Variants in ADGRL3 observed in about 807,000 individuals in gnomAD.
The protein encoded by ADGRL3 is adhesion G protein-coupled receptor L3, also known as calcium-independent alpha-latrotoxin receptor 3.
A neutral mutation model predicts 153.5 loss-of-function variants in ADGRL3; 62 were observed. The ratio of observed to expected loss-of-function variants is 0.40; its 90% confidence interval spans 0.33 to 0.50. The LOEUF (loss-of-function observed/expected upper bound fraction) is 0.50, where lower values mean the gene tolerates loss of function less well. Ranked by LOEUF, ADGRL3 falls within the 20% of genes least tolerant of loss-of-function variation. The pLI is 0.47. For synonymous variants in ADGRL3, 710 were observed against 672.5 expected, an observed-to-expected ratio of 1.06 and a Z score of -0.86; for missense variants, 1,641 against 1,859.4, an observed-to-expected ratio of 0.88 and a Z score of 2.16.
chr4:61,231,116 A>G (rs1298224105), intron 1 of ADGRL3, among the ~76,000 whole-genome samples: 2 of 152,234 alleles, frequency 1.3e-5, no homozygotes, highest in Non-Finnish European at 2.9e-5. Context: ...GGAGTGGATC[A>G]ACAATGAAGA....
chr4:62,015,977 C>T (rs574114435), intron 21 of ADGRL3, among the ~76,000 whole-genome samples: 1 of 151,996 alleles, frequency 6.6e-6, no homozygotes, highest in African/African-American at 2.4e-5. Flanking sequence ...AACTGAAATC[C>T]TTTTAAACTA....
chr4:61,500,819 C>G (rs966801769), intron 3 of ADGRL3, among the ~76,000 whole-genome samples: 4 of 152,156 alleles, frequency 2.6e-5, no homozygotes, highest in African/African-American at 9.7e-5. Context: ...TAATCACTAT[C>G]TTTACAGGTA....
chr4:61,809,511 T>G (rs1047983748), intron 8 of ADGRL3, among the ~76,000 whole-genome samples: 1 of 152,148 alleles, frequency 6.6e-6, no homozygotes, highest in African/African-American at 2.4e-5. Flanking sequence ...TTACCTCTTG[T>G]CATCTCTTAA....
At chr4:61,467,295 G>A (rs973100653) in intron 2 of ADGRL3, among the ~76,000 whole-genome samples, 3 of 152,066 alleles carry the variant, frequency 2.0e-5, no homozygotes, top group Non-Finnish European at 2.9e-5. Flanking sequence ...CTTAAAGCAC[G>A]TGATAATATT....
At chr4:62,051,241 G>A (rs558779619) in intron 25 of ADGRL3, among the ~76,000 whole-genome samples, 13 of 149,208 alleles carry the variant, frequency 8.7e-5, no homozygotes, top group African/African-American at 3.2e-4. Context: ...GAAACAATCA[G>A]AAAAGGAACA....
At chr4:61,580,102 A>G (rs1199266794) in intron 4 of ADGRL3, among the ~76,000 whole-genome samples, 1 of 152,126 alleles carries the variant, frequency 6.6e-6, no homozygotes, top group African/African-American at 2.4e-5. Context: ...GGCAGCATTG[A>G]AGTAATGAAA....
intron 8 of ADGRL3, among the ~76,000 whole-genome samples, chr4:61,806,240 C>T (rs2097551036): frequency 6.6e-6 from 1 of 151,962 alleles, no homozygotes; most frequent in African/African-American, 2.4e-5. Context: ...GTTACTATTC[C>T]AATAAAGGCA....
intron 11 of ADGRL3, among the ~76,000 whole-genome samples, chr4:61,903,201 T>C (rs554006643): frequency 6.6e-6 from 1 of 152,338 alleles, no homozygotes; most frequent in South Asian, 2.1e-4. Context: ...TATCATATTC[T>C]TGGCTTATTC....
intron 4 of ADGRL3, among the ~76,000 whole-genome samples, chr4:61,568,609 G>T (rs1434309587): frequency 2.6e-5 from 4 of 152,010 alleles, no homozygotes. Context: ...CCTTAACAAA[G>T]AATTTCTTCA....
At chr4:61,370,290 CTT>C (rs200908221) in intron 1 of ADGRL3, among the ~76,000 whole-genome samples, 78,839 of 147,848 alleles carry the variant, frequency 0.53, 22,550 homozygotes, top group Middle Eastern at 0.74. Context: ...TGTGTTTGCT[CTT>C]GTTTTTCTAG....
chr4:62,060,717 A>G (rs986536826), intron 25 of ADGRL3, among the ~76,000 whole-genome samples: 9 of 151,782 alleles, frequency 5.9e-5, no homozygotes, highest in Admixed American at 3.3e-4. Context: ...AAGATGTACA[A>G]TTTTTCATTT....
chr4:61,788,251 C>T (rs148135537), intron 8 of ADGRL3, among the ~76,000 whole-genome samples: 4 of 152,280 alleles, frequency 2.6e-5, no homozygotes, highest in East Asian at 1.9e-4. Flanking sequence ...AAAACCAGTG[C>T]AGCAATCAAA....
chr4:61,753,205 C>T (rs1197759512), intron 8 of ADGRL3, among the ~76,000 whole-genome samples: 2 of 134,698 alleles, frequency 1.5e-5, no homozygotes, highest in Non-Finnish European at 3.1e-5. Context: ...AACAATCAAG[C>T]ATTTAGTAAG....
At chr4:61,654,402 A>G (rs193136542) in intron 5 of ADGRL3, among the ~76,000 whole-genome samples, 46 of 152,112 alleles carry the variant, frequency 3.0e-4, no homozygotes, top group Non-Finnish European at 5.9e-5. Context: ...ATTATTAACT[A>G]TGGGGTAATT....
rs776062985 is a variant in ADGRL3 at position 61,979,678 on chromosome 4, A to G, written c.2921A>G (p.Gln974Arg). 3.7e-6 allele frequency: 6 copies of G among 1,613,792 alleles called. No individual in the cohort carries two copies. Among genetic ancestry groups the G allele is most frequent in the South Asian group, 3.3e-5 (3 of 91,082 alleles). Residue 974 changes from glutamine to arginine, a missense_variant, in exon 18 of 27, where the codon CAG becomes CGG. Physicochemically the swap from Gln to Arg is conservative, Grantham distance 43. Transcript: ENST00000683033. ...IFTFCFFRGL[Q>R]SDRNTIHKNL... ...ACATTTTGCTTTTTCCGGGGGCTCC[A>G]GAGTGACCGTAACACCATCCACAAG...
At chr4:61,429,452 T>C (rs1481461922) in intron 2 of ADGRL3, among the ~76,000 whole-genome samples, 1 of 152,130 alleles carries the variant, frequency 6.6e-6, no homozygotes, top group Non-Finnish European at 1.5e-5. Flanking sequence ...GTATGTGAAT[T>C]CATGTATTAT....
At position 61,947,136 on chromosome 4, in the gene ADGRL3, A is replaced by T; in HGVS notation, c.2628+14A>T. On this transcript the variant is annotated intron_variant, in intron 16 of 26. Transcript: ENST00000683033. ...AAACATATCAAGGTAAGAAAATGGCATATTAGCTTGGTTGTTCATATTATC... is the reference window on the plus strand; with the variant it reads ...AAACATATCAAGGTAAGAAAATGGCTTATTAGCTTGGTTGTTCATATTATC... 1.9e-6 allele frequency: 3 copies of T among 1,592,312 alleles called. No individual in the cohort carries two copies. The highest frequency in any genetic ancestry group is 2.6e-6 in the Non-Finnish European group (3 of 1,160,544).
chr4:61,344,623 G>A (rs2095865246), intron 1 of ADGRL3, among the ~76,000 whole-genome samples: 1 of 151,892 alleles, frequency 6.6e-6, no homozygotes, highest in African/African-American at 2.4e-5. Flanking sequence ...TACAGTGTGA[G>A]ATTGGTGAGA....
At chr4:61,757,478 A>AT (rs1394784060) in intron 8 of ADGRL3, among the ~76,000 whole-genome samples, 1 of 151,912 alleles carries the variant, frequency 6.6e-6, no homozygotes, top group African/African-American at 2.4e-5. Context: ...CCCCTTTATC[A>AT]TTTTTTTATT....
Sources: allele counts gnomAD v4.1 joint callset (sites outside exome capture counted in the v4.1 genomes callset), GRCh38; gene constraint gnomAD v4.1.1; transcripts MANE v1.5; gene names NCBI Gene and HGNC (gene_info 2026-07-23, HGNC 2026-07-21).